DCDC1: variants seen among roughly 807,000 people sequenced by gnomAD.
The protein encoded by DCDC1 is doublecortin domain-containing protein 1.
In DCDC1, 200 loss-of-function variants were observed where a neutral mutation model predicts 178.3. The ratio of observed to expected loss-of-function variants is 1.12; its 90% CI spans 1.00 to 1.26. The LOEUF (loss-of-function observed/expected upper bound fraction) is 1.26. DCDC1 is among the 50% of genes most tolerant of loss of function. DCDC1 has a pLI of 0.00. For missense variants in DCDC1, 1,983 were observed against 1,749.2 expected (o/e 1.13, Z -2.38); for synonymous variants, 690 against 604.8 (o/e 1.14, Z -2.07).
rs1171009111 is a variant in DCDC1, at chr11:30,944,292, A to C, written c.2715+8153T>G. On this transcript the variant is annotated intron_variant, in intron 21 of 38. Transcript: ENST00000684477. ...TTATACTTCTTAATCTGTAAGCTTC[A>C]TGAACTTAGGAACCAAGTCTATCTC... The C allele has an allele frequency of 1.3e-5, 6 of 456,360 alleles. No individual in the cohort carries two copies. The East Asian group carries it at 4.2e-4, about 32-fold the overall frequency. The allele number at this position is 456,360 out of a possible 1,614,324, so 28.3% of individuals were successfully genotyped here. A position where few individuals can be genotyped will look rare whatever the true frequency, so the allele number is the denominator to read the frequency against.
At chr11:30,902,626 G>A (rs560013330) in intron 32 of DCDC1, among the ~76,000 whole-genome samples, 1 of 152,050 alleles carries the variant, frequency 6.6e-6, no homozygotes, top group African/African-American at 2.4e-5. Context: ...AGTTAAAAAT[G>A]TATCCTAACT....
intron 37 of DCDC1, among the ~76,000 whole-genome samples, chr11:30,880,069 T>C (rs1468170029): frequency 6.6e-6 from 1 of 152,202 alleles, no homozygotes; most frequent in Non-Finnish European, 1.5e-5. Flanking sequence ...GAGCCTAGCT[T>C]ATGTTTATTT....
intron 17 of DCDC1, 41 bp from the exon 18 acceptor site, chr11:31,077,966 C>T (rs1956962799): frequency 1.3e-6 from 1 of 762,236 alleles, no homozygotes. Context: ...ATCTTCTCTC[C>T]ACAGAAACAC....
At chr11:31,022,686 TGG>T (rs1952962536) in intron 20 of DCDC1, among the ~76,000 whole-genome samples, 1 of 146,568 alleles carries the variant, frequency 6.8e-6, no homozygotes, top group African/African-American at 2.5e-5. Flanking sequence ...TGTGTGTGTG[TGG>T]TATGTGTTTA....
chr11:31,296,765 AAGG>A (rs1178152737), intron 6 of DCDC1, among the ~76,000 whole-genome samples: 3 of 152,192 alleles, frequency 2.0e-5, no homozygotes, highest in African/African-American at 7.2e-5. Context: ...GTGTGGAAAG[AAGG>A]AGAAGTGCAG....
intron 1 of DCDC1, among the ~76,000 whole-genome samples, chr11:31,351,942 G>A (rs1248042322): frequency 6.6e-6 from 1 of 152,082 alleles, no homozygotes; most frequent in Non-Finnish European, 1.5e-5. Context: ...AAGGGCTGCA[G>A]AGGGAAGCAA....
At chr11:30,951,445 A>G (rs1024325457) in intron 21 of DCDC1, among the ~76,000 whole-genome samples, 3 of 152,166 alleles carry the variant, frequency 2.0e-5, no homozygotes, top group African/African-American at 7.2e-5. Context: ...AGAAGGTTGT[A>G]TTCAGCTAAA....
rs1305485645 is a variant in DCDC1, at chr11:30,948,760, T to C, written c.2715+3685A>G. Among the ~76,000 whole-genome samples, 3 of 152,246 alleles carry C rather than the reference T, an allele frequency of 2.0e-5. No homozygotes were observed. The East Asian group carries it at 5.8e-4, about 29-fold the overall frequency. On this transcript the variant is annotated intron_variant, in intron 21 of 38. Coordinates refer to ENST00000684477, the MANE Select transcript of DCDC1 (RefSeq NM_001387274.1). ...ACAAAAGTAAGCAACAGGGAAAGGATTCCCTATTTAATAAATGGTGTTGGG... is the reference window on the plus strand; with the variant it reads ...ACAAAAGTAAGCAACAGGGAAAGGACTCCCTATTTAATAAATGGTGTTGGG...
intron 9 of DCDC1, among the ~76,000 whole-genome samples, chr11:31,160,534 A>C (rs1027414294): frequency 7.9e-5 from 12 of 152,162 alleles, no homozygotes; most frequent in Admixed American, 1.3e-4. Flanking sequence ...CTTTGCATTA[A>C]AAAAATAACA....
In DCDC1 at chr11:30,911,325, A is replaced by G; in HGVS notation, c.3747+2T>C. On this transcript the variant is annotated splice_donor_variant, in intron 28 of 38. Coordinates refer to ENST00000684477, the MANE Select transcript of DCDC1 (RefSeq NM_001387274.1). LOFTEE classifies it high-confidence loss of function. The stretch of plus-strand genomic sequence containing the variant: ...ACTAATCTTTAGCCATACATATCTT[A>G]CCTGAACAATAACTGGATAGCCACA... 5.6e-6 allele frequency: 9 copies of G among 1,597,448 alleles called. No homozygotes were observed. The highest frequency in any genetic ancestry group is 7.7e-6 in the Non-Finnish European group (9 of 1,171,280).
chr11:31,321,249 C>A (rs1188012877), intron 3 of DCDC1, among the ~76,000 whole-genome samples: 2 of 79,628 alleles, frequency 2.5e-5, no homozygotes, highest in Non-Finnish European at 5.0e-5. Context: ...CGCCCCTCCC[C>A]CAGCCTCGTT....
chr11:30,885,029 C>A (rs930591629), intron 36 of DCDC1, among the ~76,000 whole-genome samples: 4 of 151,738 alleles, frequency 2.6e-5, no homozygotes, highest in African/African-American at 9.7e-5. Context: ...TTCTTTAAGA[C>A]ATTAAAATAT....
Position 30,931,925 on chromosome 11 carries a change from G to A in DCDC1, c.2743C>T (p.Leu915Phe). Reference sequence around the variant, plus strand: ...TTCATGGGAGGACTGCTCGGAACAAGCAGTCCTTGTATTGGCCAATCAAAC... The same window carrying A: ...TTCATGGGAGGACTGCTCGGAACAAACAGTCCTTGTATTGGCCAATCAAAC... Reference protein sequence around the residue: ...EEFDWPIQGLLVPSSPPMKKP... With the variant: ...EEFDWPIQGLFVPSSPPMKKP... The change falls in exon 22 of 39, where the codon CTT becomes TTT. Residue 915 changes from leucine to phenylalanine, a missense_variant. Transcript: ENST00000684477. 1 of 1,611,924 alleles carries A rather than the reference G, an allele frequency of 6.2e-7. No individual in the cohort carries two copies. Among genetic ancestry groups the A allele is most frequent in the Non-Finnish European group, 8.5e-7 (1 of 1,178,848 alleles).
rs764999231 is a variant in DCDC1 at position 31,123,446 on chromosome 11, T to C, written c.1485+4023A>G. Reference sequence around the variant, plus strand: ...TATATAAAACAACTGGCTTACAAAATTCCTGAAAACTTAATCAGTGCCTCC... The same window carrying C: ...TATATAAAACAACTGGCTTACAAAACTCCTGAAAACTTAATCAGTGCCTCC... On this transcript the variant is annotated intron_variant, in intron 11 of 38. Coordinates refer to ENST00000684477, the MANE Select transcript of DCDC1 (RefSeq NM_001387274.1). Among the ~76,000 whole-genome samples, 22 of 151,992 alleles carry C rather than the reference T, an allele frequency of 1.4e-4. 1 individual carries two copies. The highest frequency in any genetic ancestry group is 3.9e-4 in the Admixed American group (6 of 15,222).
At chr11:31,280,509 C>T (rs1334413257) in intron 7 of DCDC1, among the ~76,000 whole-genome samples, 2 of 152,108 alleles carry the variant, frequency 1.3e-5, no homozygotes, top group East Asian at 3.9e-4. Flanking sequence ...TTCATTTAAC[C>T]AGAAGCTAGT....
At chr11:31,286,780 C>T (rs184762803) in intron 7 of DCDC1, among the ~76,000 whole-genome samples, 1 of 152,168 alleles carries the variant, frequency 6.6e-6, no homozygotes, top group Admixed American at 6.5e-5. Flanking sequence ...GAACCCTTCC[C>T]ACATCAACCA....
intron 8 of DCDC1, chr11:31,262,929 A>G: frequency 2.0e-6 from 2 of 994,980 alleles, no homozygotes; most frequent in Non-Finnish European, 2.9e-6. Flanking sequence ...CAGCTGGCAT[A>G]AGCTTTTATA....
At position 31,155,741 on chromosome 11, in the gene DCDC1, C is replaced by T. The variant is rs911471060; in HGVS notation, c.1222-17957G>A. Among the ~76,000 whole-genome samples the T allele has an allele frequency of 3.3e-5, 5 of 152,244 alleles. No individual in the cohort carries two copies. The Middle Eastern group carries it at 0.01, about 311-fold the overall frequency. On this transcript the variant is annotated intron_variant, in intron 9 of 38. Transcript: ENST00000684477. ...GCTGGAGGCCACACCAGTAAATGCTCCCATGAGGCAGCAAGTTATGAAGCT... is the reference window on the plus strand; with the variant it reads ...GCTGGAGGCCACACCAGTAAATGCTTCCATGAGGCAGCAAGTTATGAAGCT...
At chr11:31,179,398 C>G (rs899802650) in intron 9 of DCDC1, among the ~76,000 whole-genome samples, 22 of 152,260 alleles carry the variant, frequency 1.4e-4, no homozygotes, top group African/African-American at 5.1e-4. Flanking sequence ...GCACTATTCA[C>G]AACAGCCAAA....
Sources: gnomAD v4.1 joint callset for allele counts (sites outside exome capture counted in the v4.1 genomes callset) on GRCh38, gnomAD v4.1.1 for gene constraint, MANE v1.5 for transcripts, NCBI Gene and HGNC (gene_info 2026-07-23, HGNC 2026-07-21) for gene names.